KIAA1549: variants seen among roughly 807,000 people sequenced by gnomAD.
KIAA1549 encodes the protein UPF0606 protein KIAA1549.
Under a neutral mutation model 156.4 loss-of-function variants are expected in KIAA1549, and 70 were observed. The ratio of observed to expected loss-of-function variants is 0.45; its 90% CI spans 0.37 to 0.55. The LOEUF is 0.55. Ranked by LOEUF, KIAA1549 falls within the 20% of genes least tolerant of loss-of-function variation. The pLI is 0.00. For synonymous variants in KIAA1549, 1,103 were observed against 1,066.4 expected (o/e 1.03, Z -0.67); for missense variants, 2,428 against 2,540.9 (o/e 0.96, Z 0.96).
At chr7:138,904,012 C>T (rs1811937990) in intron 7 of KIAA1549, among the ~76,000 whole-genome samples, 1 of 152,202 alleles carries the variant, frequency 6.6e-6, no homozygotes, top group African/African-American at 2.4e-5. Context: ...CAGTGTTACC[C>T]AGACTGGCGG....
At chr7:138,850,311 C>G (rs566301144) in intron 17 of KIAA1549, among the ~76,000 whole-genome samples, 17 of 152,280 alleles carry the variant, frequency 1.1e-4, no homozygotes, top group African/African-American at 3.9e-4. Context: ...CTAATTGACA[C>G]TCTCACCAAC....
intron 1 of KIAA1549, among the ~76,000 whole-genome samples, chr7:138,958,703 A>G (rs915783100): frequency 9.2e-5 from 14 of 151,988 alleles, no homozygotes; most frequent in African/African-American, 3.4e-4. Flanking sequence ...TGGTATAGAG[A>G]GGACTGGTTT....
In KIAA1549 at chr7:138,919,041, A is replaced by C; in HGVS notation, c.585T>G (p.Thr195=). ...LPREALEPML[T]PSLPMVSLQD... ...GTAAAGAAACCATGGGTAATGATGG[A>C]GTGAGCATAGGTTCTAATGCTTCCC... Residue 195 remains threonine, a synonymous_variant, in exon 2 of 20, where the codon ACT becomes ACG. Coordinates refer to ENST00000422774, the MANE Select transcript of KIAA1549 (RefSeq NM_001164665.2). The C allele has an allele frequency of 6.2e-7, 1 of 1,613,988 alleles. No individual in the cohort carries two copies. Among genetic ancestry groups the C allele is most frequent in the African/African-American group, 1.3e-5 (1 of 75,042 alleles).
rs757150961 is a variant in KIAA1549 at position 138,869,744 on chromosome 7, C to T, written c.4569G>A (p.Arg1523=). Residue 1523 remains arginine (R), a synonymous_variant, in exon 14 of 20, where the codon CGG becomes CGA. Coordinates refer to ENST00000422774, the MANE Select transcript of KIAA1549 (RefSeq NM_001164665.2). ...GATGGTGCTCGATCTCAGACTTGTG[C>T]CGCAGCGCGGTCTGAATCTGAGGAA... ...KINKEIQTAL[R]HKSEIEHHRN... is the part of the protein sequence containing the mutation. 8.1e-6 allele frequency: 13 copies of T among 1,610,326 alleles called. No homozygotes were observed. In the South Asian group the frequency reaches 1.4e-4, roughly 18 times the overall value.
intron 10 of KIAA1549, among the ~76,000 whole-genome samples, chr7:138,889,878 A>T (rs1051568517): frequency 1.3e-5 from 2 of 152,192 alleles, no homozygotes; most frequent in African/African-American, 2.4e-5. Context: ...CTTTTGTCTC[A>T]TCTCTACTTG....
chr7:138,921,412 G>A lies in KIAA1549; in HGVS notation c.188-1974C>T, dbSNP rs892174625. ...AAACCCAGGTTAAGACACTGCTATG[G>A]CTTATGTATTACGTGCTCCCAATAT... On this transcript the variant is annotated intron_variant, in intron 1 of 19. Coordinates refer to ENST00000422774, the MANE Select transcript of KIAA1549 (RefSeq NM_001164665.2). Among the ~76,000 whole-genome samples, 3 of 152,152 alleles carry A rather than the reference G, an allele frequency of 2.0e-5. No homozygotes were observed. The East Asian group carries it at 5.8e-4, about 29-fold the overall frequency.
At chr7:138,911,381 A>G (rs1480495282) in intron 3 of KIAA1549, 58 bp from the exon 4 acceptor site, 1 of 1,284,656 alleles carries the variant, frequency 7.8e-7, no homozygotes, top group Non-Finnish European at 1.1e-6. Flanking sequence ...TGTTACACAG[A>G]AAAATAAAAA....
chr7:138,907,135 ATAAAACAT>A (rs1161684949), intron 5 of KIAA1549, 33 bp from the exon 6 acceptor site: 6 of 1,474,574 alleles, frequency 4.1e-6, no homozygotes, highest in Non-Finnish European at 5.4e-6. Flanking sequence ...AGCTTCTATA[ATAAAACAT>A]TCTGCTGAAA....
chr7:138,894,000 G>A (rs1239394026), intron 10 of KIAA1549, among the ~76,000 whole-genome samples: 3 of 152,242 alleles, frequency 2.0e-5, no homozygotes, highest in African/African-American at 7.2e-5. Flanking sequence ...AACCCAGGAG[G>A]CGGAGGCTGC....
At chr7:138,869,149 A>G (rs570737436) in intron 14 of KIAA1549, among the ~76,000 whole-genome samples, 19 of 152,272 alleles carry the variant, frequency 1.2e-4, no homozygotes, top group African/African-American at 4.3e-4. Context: ...ATTGGAGGTG[A>G]CAGAGTGGGA....
At chr7:138,979,639 A>T (rs1814484198) in intron 1 of KIAA1549, among the ~76,000 whole-genome samples, 1 of 152,224 alleles carries the variant, frequency 6.6e-6, no homozygotes, top group African/African-American at 2.4e-5. Flanking sequence ...GACTAAAGCC[A>T]AGAGACCCTT....
rs1811923755 is a variant in KIAA1549 at position 138,903,842 on chromosome 7, TGTGTGTGTGTGCGCGCGCGC to T, written c.3521-126_3521-107del. On this transcript the variant is annotated intron_variant, in intron 7 of 19. Coordinates refer to ENST00000422774, the MANE Select transcript of KIAA1549 (RefSeq NM_001164665.2). ...GTGTGTGTGTGTGTGTGTGTGTGTG[TGTGTGTGTGTGCGCGCGCGC>T]GCGCGCGCACATATGTATTTGAAAT... is the stretch of plus-strand genomic sequence containing the variant. 1.1e-5 allele frequency: 5 copies of T among 463,280 alleles called. No homozygotes were observed. In the South Asian group the frequency reaches 1.2e-4, roughly 11 times the overall value. 28.7% of individuals were successfully genotyped at this position (463,280 alleles called of 1,614,324 possible).
rs764185862 is a variant in KIAA1549, at chr7:138,918,776, T to C, written c.850A>G (p.Ser284Gly). The C allele has an allele frequency of 1.4e-5, 22 of 1,613,678 alleles. No individual in the cohort carries two copies. Among genetic ancestry groups the C allele is most frequent in the African/African-American group, 2.7e-5 (2 of 74,862 alleles). The stretch of plus-strand genomic sequence containing the variant: ...GGCTGTGGCATTAAAGACCGGGAGC[T>C]TAAAAAAAGGGTGGTTTCCACACCC... ...TEGVETTLFL[S>G]SRSLMPQPLG... The change falls in exon 2 of 20, where the codon AGC becomes GGC. Residue 284 changes from serine to glycine, a missense_variant. This residue lies in a region of KIAA1549 where 893 missense variants were observed against 847.9 expected (regional missense o/e 1.05). Coordinates refer to ENST00000422774, the MANE Select transcript of KIAA1549 (RefSeq NM_001164665.2). This position sits in a 1 kb window ranked among gnomAD's most constrained non-coding sequence, Gnocchi z 4.2.
At chr7:138,924,771 C>A (rs1478617555) in intron 1 of KIAA1549, among the ~76,000 whole-genome samples, 1 of 152,120 alleles carries the variant, frequency 6.6e-6, no homozygotes, top group Non-Finnish European at 1.5e-5. Flanking sequence ...CCAGGCGAGT[C>A]TCTCTCACAG....
chr7:138,876,068 C>G (rs1054088915), intron 12 of KIAA1549, among the ~76,000 whole-genome samples: 1 of 152,104 alleles, frequency 6.6e-6, no homozygotes, highest in Non-Finnish European at 1.5e-5. Context: ...TCCTGTGAGA[C>G]AGCAATCACA....
At chr7:138,903,835 GTGTGT>G (rs1811920954) in intron 7 of KIAA1549, 99 bp from the exon 8 acceptor site, 1 of 597,992 alleles carries the variant, frequency 1.7e-6, no homozygotes, top group Non-Finnish European at 2.5e-6. Flanking sequence ...GTGTGTGTGT[GTGTGT>G]GTGTGTGTGT....
At chr7:138,929,130 A>T (rs533962121) in intron 1 of KIAA1549, among the ~76,000 whole-genome samples, 5 of 152,192 alleles carry the variant, frequency 3.3e-5, no homozygotes, top group Admixed American at 6.5e-5. Context: ...CATTTCATGA[A>T]AGACTTCTCT....
At chr7:138,946,549 G>A (rs111737000) in intron 1 of KIAA1549, among the ~76,000 whole-genome samples, 3,485 of 152,226 alleles carry the variant, frequency 0.023, 65 homozygotes, top group Admixed American at 0.038. Flanking sequence ...GGAGGCTGAG[G>A]CGGGCAGATC....
intron 12 of KIAA1549, among the ~76,000 whole-genome samples, chr7:138,878,592 C>A (rs1049806023): frequency 1.3e-5 from 2 of 152,048 alleles, no homozygotes; most frequent in Non-Finnish European, 2.9e-5. Flanking sequence ...GAAACCTTGT[C>A]TCTACAAGAA....
Sources: allele counts gnomAD v4.1 joint callset (sites outside exome capture counted in the v4.1 genomes callset), GRCh38; gene constraint gnomAD v4.1.1; regional missense constraint gnomAD v4.1.1; non-coding constraint Gnocchi (gnomAD v3.1); transcripts MANE v1.5; gene names NCBI Gene and HGNC (gene_info 2026-07-23, HGNC 2026-07-21).